CFAP57: variants seen among roughly 807,000 people sequenced by gnomAD.
CFAP57 encodes the protein cilia- and flagella-associated protein 57.
In CFAP57, 116 loss-of-function variants were observed where a neutral mutation model predicts 146.8. The ratio of observed to expected loss-of-function variants is 0.79; its 90% CI spans 0.68 to 0.92. The LOEUF (loss-of-function observed/expected upper bound fraction) is 0.92. Ranked by LOEUF, CFAP57 falls within the 40% of genes least tolerant of loss-of-function variation. CFAP57 has a pLI of 0.00. For synonymous variants in CFAP57, 518 were observed against 552.8 expected, an observed-to-expected ratio of 0.94 and a Z score of 0.88; for missense variants, 1,377 against 1,527.2, an observed-to-expected ratio of 0.90 and a Z score of 1.64.
Position 43,238,279 on chromosome 1 carries a change from G to T in CFAP57, c.3405+3641G>T, listed in dbSNP as rs554054971. Among the ~76,000 whole-genome samples the T allele has an allele frequency of 1.4e-4, 22 of 152,192 alleles. No individual in the cohort carries two copies. On this transcript the variant is annotated intron_variant, in intron 21 of 22. Transcript: ENST00000372492. This position sits in a 1 kb window ranked among gnomAD's most constrained non-coding sequence, Gnocchi z 4.3. Reference sequence around the variant, plus strand: ...GCATCGACTCAGGCCATGCCATTAGGGGGTGCTGTAGGCATTCCCTTCTCT... The same window carrying T: ...GCATCGACTCAGGCCATGCCATTAGTGGGTGCTGTAGGCATTCCCTTCTCT...
intron 11 of CFAP57, among the ~76,000 whole-genome samples, chr1:43,212,666 G>A (rs1644665291): frequency 6.6e-6 from 1 of 151,992 alleles, no homozygotes; most frequent in South Asian, 2.1e-4. Context: ...TGGCACGTGG[G>A]TCATGCCTGT....
chr1:43,180,316 A>G (rs1438107378), intron 2 of CFAP57, among the ~76,000 whole-genome samples: 2 of 151,246 alleles, frequency 1.3e-5, no homozygotes, highest in Non-Finnish European at 2.9e-5. Flanking sequence ...ATAAAGAGGA[A>G]TATAATCTAG....
At chr1:43,204,202 A>G (rs1294008863) in intron 9 of CFAP57, among the ~76,000 whole-genome samples, 1 of 152,130 alleles carries the variant, frequency 6.6e-6, no homozygotes, top group African/African-American at 2.4e-5. Context: ...TTTTCTTATT[A>G]TATTCTTTAT....
chr1:43,236,928 A>G (rs1026003229), intron 21 of CFAP57, among the ~76,000 whole-genome samples: 34 of 151,624 alleles, frequency 2.2e-4, no homozygotes, highest in African/African-American at 8.0e-4. Flanking sequence ...AAAAAAGGCA[A>G]TTTCCATCCT....
intron 9 of CFAP57, chr1:43,206,519 A>G: frequency 1.7e-6 from 1 of 594,172 alleles, no homozygotes; most frequent in Non-Finnish European, 3.0e-6. Context: ...AGAGTGTTTC[A>G]TCTTCAGTAA....
chr1:43,173,169 C>A (rs574565561), intron 2 of CFAP57, among the ~76,000 whole-genome samples: 1 of 151,964 alleles, frequency 6.6e-6, no homozygotes. Context: ...GTTAAGAACC[C>A]CTCTTTTGGT....
intron 2 of CFAP57, among the ~76,000 whole-genome samples, chr1:43,177,604 C>G (rs904560219): frequency 6.6e-6 from 1 of 152,120 alleles, no homozygotes. Context: ...TGGTCCCCAA[C>G]CTTTCTGGCA....
At chr1:43,222,532 C>T (rs1341630745) in intron 15 of CFAP57, among the ~76,000 whole-genome samples, 1 of 152,078 alleles carries the variant, frequency 6.6e-6, no homozygotes, top group East Asian at 1.9e-4. Flanking sequence ...GGCTGGGTGT[C>T]CAGTGAACAA....
At chr1:43,206,983 C>T in intron 10 of CFAP57, 51 bp downstream of exon 10, 1 of 1,580,552 alleles carries the variant, frequency 6.3e-7, no homozygotes, top group South Asian at 1.1e-5. Context: ...TCTGCAGGGA[C>T]AGCTTCCCGT....
chr1:43,239,687 G>A (rs547684941), intron 21 of CFAP57, among the ~76,000 whole-genome samples: 1 of 152,296 alleles, frequency 6.6e-6, no homozygotes, highest in Non-Finnish European at 1.5e-5. Flanking sequence ...AGTTTCTAGT[G>A]CTTATTCTGA....
rs758210227 is a variant in CFAP57, at chr1:43,185,190, A to G, written c.803A>G (p.Tyr268Cys). The change falls in exon 5 of 23, where the codon TAT becomes TGT. Residue 268 changes from tyrosine (Y) to cysteine (C), a missense_variant. Tyr to Cys is a radical substitution (Grantham distance 194, BLOSUM62 -2). Transcript: ENST00000372492. ...CCAGTCAGTTCTCCACTCCCTTCCT[A>G]TGAACAGATGGTGGCGGCCAGTAGC... The part of the protein sequence containing the change: ...FPPVSSPLPS[Y>C]EQMVAASSHS... The G allele has an allele frequency of 1.1e-5, 18 of 1,614,082 alleles. No individual in the cohort carries two copies. Among genetic ancestry groups the G allele is most frequent in the East Asian group, 1.1e-4 (5 of 44,878 alleles).
At chr1:43,248,555 C>T (rs1383230825) in intron 22 of CFAP57, among the ~76,000 whole-genome samples, 3 of 151,892 alleles carry the variant, frequency 2.0e-5, no homozygotes, top group South Asian at 4.2e-4. Context: ...CTCCTGACTT[C>T]GTAATCTGCC....
intron 5 of CFAP57, among the ~76,000 whole-genome samples, chr1:43,186,152 G>T (rs1643067329): frequency 6.6e-6 from 1 of 152,024 alleles, no homozygotes; most frequent in African/African-American, 2.4e-5. Flanking sequence ...TGAGGTGAGA[G>T]GATGGCTTGA....
At chr1:43,180,223 T>TTATATATATATATATA (rs1289107795) in intron 2 of CFAP57, among the ~76,000 whole-genome samples, 14 of 137,398 alleles carry the variant, frequency 1.0e-4, no homozygotes, top group African/African-American at 3.9e-4. Flanking sequence ...TATATATATT[T>TTATATATATATATATA]TATATATATA....
In CFAP57 at chr1:43,185,292, G is replaced by A; in HGVS notation, c.905G>A (p.Gly302Glu). 6.2e-7 allele frequency: 1 copy of A among 1,614,100 alleles called. No homozygotes were observed. The change falls in exon 5 of 23, where the codon GGG becomes GAG. Residue 302 changes from glycine (G) to glutamate (E), a missense_variant. Gly to Glu is a moderately conservative substitution (Grantham distance 98). Coordinates refer to ENST00000372492, the MANE Select transcript of CFAP57 (RefSeq NM_001378189.1). ...GGATTTGCCTGTTCTGCTGGGCCAGGGAGAGTTCTGCTGTTTGAGAAGATG... is the reference window on the plus strand; with the variant it reads ...GGATTTGCCTGTTCTGCTGGGCCAGAGAGAGTTCTGCTGTTTGAGAAGATG... ...SKGFACSAGP[G>E]RVLLFEKMEE... is the part of the protein sequence containing the mutation.
chr1:43,249,266 T>C (rs1163559442), intron 22 of CFAP57, among the ~76,000 whole-genome samples: 2 of 151,988 alleles, frequency 1.3e-5, no homozygotes, highest in Non-Finnish European at 2.9e-5. Context: ...AAAATAATTT[T>C]AAGATTTTAA....
chr1:43,229,954 A>G (rs990451664), intron 18 of CFAP57, among the ~76,000 whole-genome samples: 5 of 152,214 alleles, frequency 3.3e-5, no homozygotes, highest in Non-Finnish European at 7.3e-5. Flanking sequence ...TCTGAGTGTG[A>G]TGAAAAACAC....
At position 43,243,245 on chromosome 1, in the gene CFAP57, A is replaced by G. The variant is rs924468299; in HGVS notation, c.3424A>G (p.Lys1142Glu). 6 of 1,549,822 alleles carry G rather than the reference A, an allele frequency of 3.9e-6. No individual in the cohort carries two copies. In the African/African-American group the frequency reaches 8.2e-5, roughly 21 times the overall value. The change falls in exon 22 of 23, where the codon AAG (lysine) becomes GAG (glutamate). Residue 1142 changes from lysine (K) to glutamate (E), a missense_variant. By Grantham distance (56) the Lys-to-Glu change is moderately conservative (BLOSUM62 1). Coordinates refer to ENST00000372492, the MANE Select transcript of CFAP57 (RefSeq NM_001378189.1). ...RIMQENVSLI[K>E]EINELRRELK... ...TCTGCAGGAAAATGTCTCTCTGATC[A>G]AGGAAATTAATGAGCTCCGCAGGGA...
At chr1:43,242,033 C>T (rs1645944698) in intron 21 of CFAP57, among the ~76,000 whole-genome samples, 1 of 152,192 alleles carries the variant, frequency 6.6e-6, no homozygotes, top group African/African-American at 2.4e-5. Context: ...TTCGTCCTCA[C>T]TCCTGTCGAC....
Sources: allele counts gnomAD v4.1 joint callset (sites outside exome capture counted in the v4.1 genomes callset), GRCh38; gene constraint gnomAD v4.1.1; non-coding constraint Gnocchi (gnomAD v3.1); transcripts MANE v1.5; gene names NCBI Gene and HGNC (gene_info 2026-07-23, HGNC 2026-07-21).